The following DIS3L2 variants were observed in gnomAD, a reference collection of about 807,000 sequenced individuals.
The protein encoded by DIS3L2 is DIS3 like 3'-5' exoribonuclease 2, also known as DIS3-like exonuclease 2.
DIS3L2 carries 34 observed loss-of-function variants against 97.5 expected under a neutral mutation model. The ratio of observed to expected loss-of-function variants is 0.35; its 90% CI spans 0.27 to 0.46. The LOEUF is 0.46. Among genes scored for constraint, DIS3L2 ranks in the 20% least tolerant of loss-of-function variants. The probability of loss-of-function intolerance (pLI) is 1.00; values close to 1 mark genes in which losing one functional copy is unlikely to be tolerated. For synonymous variants in DIS3L2, 435 were observed against 445.2 expected (o/e 0.98, Z 0.29); for missense variants, 1,038 against 1,146.0 (o/e 0.91, Z 1.36).
chr2:231,974,666 A>G (rs932087909), intron 1 of DIS3L2, among the ~76,000 whole-genome samples: 4 of 151,864 alleles, frequency 2.6e-5, no homozygotes, highest in Admixed American at 6.6e-5. Flanking sequence ...CATGTAAGGT[A>G]TATGTATTTA....
intron 1 of DIS3L2, among the ~76,000 whole-genome samples, chr2:231,980,717 AAGAT>A (rs777193641): frequency 1.3e-5 from 2 of 152,158 alleles, no homozygotes; most frequent in Non-Finnish European, 2.9e-5. Flanking sequence ...AGAAAAAAAA[AAGAT>A]AAGCTTGTTA....
downstream of DIS3L2, among the ~76,000 whole-genome samples, chr2:232,341,645 C>G (rs1696103253): frequency 6.6e-6 from 1 of 152,182 alleles, no homozygotes; most frequent in Non-Finnish European, 1.5e-5. Flanking sequence ...GAAATGGAAG[C>G]TAAATGCTCA....
chr2:232,206,898 G>T (rs1273439033), intron 9 of DIS3L2, among the ~76,000 whole-genome samples: 1 of 152,166 alleles, frequency 6.6e-6, no homozygotes, highest in Non-Finnish European at 1.5e-5. Context: ...GTCACATATG[G>T]TGGGATCAAC....
At chr2:232,041,884 G>A (rs1367163770) in intron 5 of DIS3L2, among the ~76,000 whole-genome samples, 1 of 152,200 alleles carries the variant, frequency 6.6e-6, no homozygotes, top group African/African-American at 2.4e-5. Context: ...ACATGTATTT[G>A]TGCAGCACCT....
chr2:232,051,608 C>T (rs1265030312), intron 5 of DIS3L2, among the ~76,000 whole-genome samples: 1 of 151,462 alleles, frequency 6.6e-6, no homozygotes, highest in Non-Finnish European at 1.5e-5. Flanking sequence ...GTCAGGAGAT[C>T]GAGACCATCC....
At chr2:231,994,829 T>TTC (rs1358577352) in intron 1 of DIS3L2, among the ~76,000 whole-genome samples, 9 of 150,800 alleles carry the variant, frequency 6.0e-5, no homozygotes, top group African/African-American at 2.0e-4. Flanking sequence ...TTTTTTTTTT[T>TTC]TGAGATAGGG....
At chr2:232,021,132 C>T (rs549163330) in intron 3 of DIS3L2, among the ~76,000 whole-genome samples, 2 of 152,086 alleles carry the variant, frequency 1.3e-5, no homozygotes, top group African/African-American at 4.8e-5. Context: ...CTGTTTAGCT[C>T]CTGGGGTATA....
intron 8 of DIS3L2, among the ~76,000 whole-genome samples, chr2:232,160,833 G>T (rs1690626492): frequency 6.6e-6 from 1 of 152,142 alleles, no homozygotes; most frequent in South Asian, 2.1e-4. Context: ...TTCTGCCTGG[G>T]TGACAGAGTG....
chr2:231,972,052 G>C (rs1692932662), intron 1 of DIS3L2, among the ~76,000 whole-genome samples: 1 of 151,664 alleles, frequency 6.6e-6, no homozygotes, highest in Non-Finnish European at 1.5e-5. Context: ...GGGCGTGGTG[G>C]TGTGCACCTG....
At chr2:231,964,003 G>GCTA (rs1208294045) in intron 1 of DIS3L2, among the ~76,000 whole-genome samples, 1 of 152,198 alleles carries the variant, frequency 6.6e-6, no homozygotes, top group Non-Finnish European at 1.5e-5. Context: ...ACAGGCATGA[G>GCTA]CTACTGTGCC....
At position 232,029,991 on chromosome 2, in the gene DIS3L2, G is replaced by A; in HGVS notation, c.277G>A (p.Asp93Asn). ...AFIPSPDGDR[D>N]IFIDGVVARN... is the part of the protein sequence containing the mutation. ...TTTTCCAACCTAGGATGGTGATCGA[G>A]ACATTTTTATTGATGGGGTTGTTGC... Residue 93 changes from aspartate to asparagine, a missense_variant, in exon 5 of 21, where the codon GAC (aspartate) becomes AAC (asparagine). Transcript: ENST00000325385. The A allele has an allele frequency of 1.2e-6, 2 of 1,600,902 alleles. No homozygotes were observed. The highest frequency in any genetic ancestry group is 1.7e-6 in the Non-Finnish European group (2 of 1,175,382).
chr2:231,995,774 A>G (rs1329073518), intron 1 of DIS3L2, among the ~76,000 whole-genome samples: 1 of 152,236 alleles, frequency 6.6e-6, no homozygotes, highest in Non-Finnish European at 1.5e-5. Flanking sequence ...TTTAGCAGTT[A>G]TAATAATTCA....
intron 6 of DIS3L2, 36 bp from the exon 7 acceptor site, chr2:232,130,583 G>C: frequency 6.3e-7 from 1 of 1,590,360 alleles, no homozygotes; most frequent in Non-Finnish European, 8.5e-7. Context: ...GCATCTGGTT[G>C]ATGACTCCTC....
intron 12 of DIS3L2, among the ~76,000 whole-genome samples, chr2:232,258,253 C>G (rs960520872): frequency 2.0e-5 from 3 of 152,128 alleles, no homozygotes; most frequent in African/African-American, 7.2e-5. Flanking sequence ...AGTAAACTCA[C>G]CTGCCTACAG....
At chr2:232,015,460 T>C in intron 2 of DIS3L2, 54 bp from the exon 3 acceptor site, 2 of 1,583,210 alleles carry the variant, frequency 1.3e-6, no homozygotes, top group South Asian at 2.3e-5. Flanking sequence ...ATCTCCAGTT[T>C]TAAAAATACA....
chr2:232,004,454 G>A (rs1693995669), intron 1 of DIS3L2, among the ~76,000 whole-genome samples: 1 of 151,792 alleles, frequency 6.6e-6, no homozygotes, highest in Admixed American at 6.6e-5. Flanking sequence ...CTGTTTTTCA[G>A]GTTGTATAAT....
intron 9 of DIS3L2, among the ~76,000 whole-genome samples, chr2:232,188,851 G>A (rs1456121748): frequency 1.3e-5 from 2 of 152,122 alleles, no homozygotes; most frequent in Non-Finnish European, 2.9e-5. Context: ...TCCAACAAGA[G>A]ACTAGTATCT....
intron 9 of DIS3L2, among the ~76,000 whole-genome samples, chr2:232,176,548 G>A (rs1471651693): frequency 6.7e-6 from 1 of 150,300 alleles, no homozygotes; most frequent in Non-Finnish European, 1.5e-5. Context: ...GTTTCTTAAG[G>A]TGGAAGTTTA....
chr2:232,263,381 G>A lies in DIS3L2; in HGVS notation c.1600G>A (p.Gly534Arg), dbSNP rs375517001. Reference sequence around the variant, plus strand: ...ACACCAGGCCGTCTTGAATCTCCACGGAATTGCCAAGCAGTTACGCCAGCA... The same window carrying A: ...ACACCAGGCCGTCTTGAATCTCCACAGAATTGCCAAGCAGTTACGCCAGCA... ...EVHQAVLNLH[G>R]IAKQLRQQRF... The change falls in exon 13 of 21, where the codon GGA becomes AGA. Residue 534 changes from glycine (G) to arginine (R), a missense_variant. Gly to Arg is a moderately radical substitution (Grantham distance 125). This residue lies in a region of DIS3L2 where 813 missense variants were observed against 880.1 expected (regional missense o/e 0.92). Coordinates refer to ENST00000325385, the MANE Select transcript of DIS3L2 (RefSeq NM_152383.5). The A allele has an allele frequency of 1.9e-5, 30 of 1,614,070 alleles. 1 individual carries two copies. Among genetic ancestry groups the A allele is most frequent in the East Asian group, 1.6e-4 (7 of 44,890 alleles).
Sources: allele counts gnomAD v4.1 joint callset (sites outside exome capture counted in the v4.1 genomes callset), GRCh38; gene constraint gnomAD v4.1.1; regional missense constraint gnomAD v4.1.1; transcripts MANE v1.5; gene names NCBI Gene and HGNC (gene_info 2026-07-23, HGNC 2026-07-21).